The following PDZRN4 variants were observed in gnomAD, a reference collection of about 807,000 sequenced individuals.
PDZRN4 encodes PDZ domain-containing RING finger protein 4.
A neutral mutation model predicts 99.0 loss-of-function variants in PDZRN4; 70 were observed. The ratio of observed to expected loss-of-function variants is 0.71; its 90% CI spans 0.58 to 0.86. The LOEUF (loss-of-function observed/expected upper bound fraction) is 0.86. Ranked by LOEUF, PDZRN4 falls within the 40% of genes least tolerant of loss-of-function variation. The pLI, the probability that PDZRN4 is intolerant of heterozygous loss-of-function variation, is 0.00. For synonymous variants in PDZRN4, 551 were observed against 501.6 expected, an observed-to-expected ratio of 1.10 and a Z score of -1.32; for missense variants, 1,474 against 1,331.2, an observed-to-expected ratio of 1.11 and a Z score of -1.67.
At chr12:41,547,314 A>G (rs993151033) in intron 5 of PDZRN4, among the ~76,000 whole-genome samples, 1 of 152,166 alleles carries the variant, frequency 6.6e-6, no homozygotes, top group African/African-American at 2.4e-5. Context: ...TTGTCACAGC[A>G]GAAGTAATGA....
chr12:41,536,073 T>C (rs1161848747), intron 5 of PDZRN4, among the ~76,000 whole-genome samples: 1 of 152,182 alleles, frequency 6.6e-6, no homozygotes, highest in African/African-American at 2.4e-5. Context: ...TTGTCTCCTG[T>C]CCTTCATGCC....
chr12:41,297,410 C>T (rs1415242142), intron 3 of PDZRN4, among the ~76,000 whole-genome samples: 2 of 152,088 alleles, frequency 1.3e-5, no homozygotes, highest in Non-Finnish European at 2.9e-5. Flanking sequence ...AGTTCTGGCC[C>T]TGGTCCTGTC....
intron 5 of PDZRN4, among the ~76,000 whole-genome samples, chr12:41,548,448 G>C (rs887260072): frequency 7.2e-5 from 11 of 152,194 alleles, no homozygotes; most frequent in Admixed American, 4.6e-4. Flanking sequence ...GAGTAAAAGT[G>C]CATGTATTGT....
chr12:41,390,666 C>T (rs573546768), intron 3 of PDZRN4, among the ~76,000 whole-genome samples: 218 of 151,512 alleles, frequency 1.4e-3, no homozygotes, highest in African/African-American at 5.1e-3. Flanking sequence ...ACATATTATC[C>T]CATCAATATT....
intron 3 of PDZRN4, among the ~76,000 whole-genome samples, chr12:41,291,519 C>T (rs1951456626): frequency 6.6e-6 from 1 of 152,056 alleles, no homozygotes; most frequent in African/African-American, 2.4e-5. Flanking sequence ...TTTGAAAGTA[C>T]TCAATAAATA....
At position 41,512,300 on chromosome 12, in the gene PDZRN4, A is replaced by T. The variant is rs561504749; in HGVS notation, c.1203+2387A>T. On this transcript the variant is annotated intron_variant, in intron 5 of 9. Coordinates refer to ENST00000402685, the MANE Select transcript of PDZRN4 (RefSeq NM_001164595.2). Reference sequence around the variant, plus strand: ...GAGAGGGAGGTCAACAATAAACATAAAAGTAAAGACATATTCTTTTCAATG... The same window carrying T: ...GAGAGGGAGGTCAACAATAAACATATAAGTAAAGACATATTCTTTTCAATG... Among the ~76,000 whole-genome samples the T allele has an allele frequency of 4.6e-5, 7 of 152,222 alleles. No individual in the cohort carries two copies. The South Asian group carries it at 1.5e-3, about 32-fold the overall frequency.
chr12:41,387,877 C>G (rs984202677), intron 3 of PDZRN4, among the ~76,000 whole-genome samples: 2 of 152,166 alleles, frequency 1.3e-5, no homozygotes, highest in African/African-American at 4.8e-5. Context: ...GATGGTTCCT[C>G]AAGACCTAAA....
chr12:41,528,028 G>A (rs11180979), intron 5 of PDZRN4, among the ~76,000 whole-genome samples: 21,212 of 152,114 alleles, frequency 0.14, 1,946 homozygotes, highest in Non-Finnish European at 0.2. Flanking sequence ...TAAAAGAGAC[G>A]GCATGAACTT....
chr12:41,411,705 A>C (rs1005899489), intron 3 of PDZRN4: 1 of 152,214 alleles, frequency 6.6e-6, no homozygotes, highest in African/African-American at 2.4e-5. Context: ...TTCAAGTAAA[A>C]TACATCAAAA....
intron 5 of PDZRN4, among the ~76,000 whole-genome samples, chr12:41,523,428 A>G (rs1938524673): frequency 6.6e-6 from 1 of 152,142 alleles, no homozygotes; most frequent in Admixed American, 6.6e-5. Flanking sequence ...GGACACATGG[A>G]GTTACAGCCA....
chr12:41,552,291 G>A (rs1277906432), intron 5 of PDZRN4, among the ~76,000 whole-genome samples: 2 of 152,052 alleles, frequency 1.3e-5, no homozygotes, highest in East Asian at 3.9e-4. Flanking sequence ...ATGTTTTTAT[G>A]AACATTTTGC....
chr12:41,425,500 C>T (rs1952528031), intron 3 of PDZRN4, among the ~76,000 whole-genome samples: 2 of 151,974 alleles, frequency 1.3e-5, no homozygotes, highest in South Asian at 4.2e-4. Flanking sequence ...GATGGTGTTC[C>T]TGTACAGAAT....
Position 41,188,350 on chromosome 12 carries a change from C to T in PDZRN4, c.-106C>T. ...ACCTCCCACCCGCCACCTCCCTCCA[C>T]TGCCGCCGCCGCGAGACGGCTGCCC... is the stretch of plus-strand genomic sequence containing the variant. On this transcript the variant is annotated 5_prime_UTR_variant, in exon 1 of 10. Coordinates refer to ENST00000402685, the MANE Select transcript of PDZRN4 (RefSeq NM_001164595.2). 8.8e-7 allele frequency: 1 copy of T among 1,134,962 alleles called. No individual in the cohort carries two copies. Among genetic ancestry groups the T allele is most frequent in the South Asian group, 1.7e-5 (1 of 60,592 alleles). The allele number at this position is 1,134,962 out of a possible 1,614,324, so 70.3% of individuals were successfully genotyped here.
intron 3 of PDZRN4, among the ~76,000 whole-genome samples, chr12:41,450,009 G>A (rs1018033100): frequency 5.3e-5 from 8 of 151,950 alleles, no homozygotes; most frequent in African/African-American, 1.9e-4. Context: ...TGATGCCTTT[G>A]GGCTTCATAA....
intron 3 of PDZRN4, among the ~76,000 whole-genome samples, chr12:41,326,475 C>T (rs1039148763): frequency 1.3e-5 from 2 of 152,026 alleles, no homozygotes; most frequent in African/African-American, 4.8e-5. Flanking sequence ...TAAAAAATCA[C>T]AAAAATTGTT....
chr12:41,270,616 C>T lies in PDZRN4; in HGVS notation c.843+76428C>T, dbSNP rs558712535. Among the ~76,000 whole-genome samples, 49 of 152,144 alleles carry T rather than the reference C, an allele frequency of 3.2e-4. 1 individual carries two copies. The highest frequency in any genetic ancestry group is 2.9e-4 in the Non-Finnish European group (20 of 67,974). On this transcript the variant is annotated intron_variant, in intron 3 of 9. Transcript: ENST00000402685. ...TATTCCATCTTATCTTCACTGCAGT[C>T]AGAATTCACCATTTTAAACTAACTG...
At chr12:41,367,975 T>C (rs1000747203) in intron 3 of PDZRN4, among the ~76,000 whole-genome samples, 2 of 152,074 alleles carry the variant, frequency 1.3e-5, no homozygotes, top group African/African-American at 4.8e-5. Context: ...TGCACCATAG[T>C]ACAGAGTAGG....
At chr12:41,438,476 T>C (rs1952650861) in intron 3 of PDZRN4, among the ~76,000 whole-genome samples, 1 of 152,194 alleles carries the variant, frequency 6.6e-6, no homozygotes, top group African/African-American at 2.4e-5. Flanking sequence ...AATTGAGAAT[T>C]TGTGCTTTGG....
chr12:41,279,619 A>G (rs554182099), intron 3 of PDZRN4, among the ~76,000 whole-genome samples: 44 of 152,328 alleles, frequency 2.9e-4, no homozygotes, highest in African/African-American at 9.6e-4. Context: ...ATATTAATTG[A>G]CCTGGCTCCA....
Sources: gnomAD v4.1 joint callset for allele counts (sites outside exome capture counted in the v4.1 genomes callset) on GRCh38, gnomAD v4.1.1 for gene constraint, MANE v1.5 for transcripts, NCBI Gene and HGNC (gene_info 2026-07-23, HGNC 2026-07-21) for gene names.